The following ST6GALNAC3 variants were observed in gnomAD, a reference collection of about 807,000 sequenced individuals.
The protein encoded by ST6GALNAC3 is alpha-N-acetylgalactosaminide alpha-2,6-sialyltransferase 3.
In ST6GALNAC3, 25 loss-of-function variants were observed where a neutral mutation model predicts 32.7. The ratio of observed to expected loss-of-function variants is 0.76; its 90% CI spans 0.56 to 1.07. ST6GALNAC3 has a LOEUF of 1.07. Among genes scored for constraint, ST6GALNAC3 ranks in the 50% least tolerant of loss-of-function variants. The pLI is 0.00. For missense variants in ST6GALNAC3, 355 were observed against 382.4 expected (o/e 0.93, Z 0.60); for synonymous variants, 129 against 133.1 (o/e 0.97, Z 0.21).
At chr1:76,482,379 C>G (rs1038312994) in intron 3 of ST6GALNAC3, among the ~76,000 whole-genome samples, 20 of 152,180 alleles carry the variant, frequency 1.3e-4, no homozygotes, top group African/African-American at 4.8e-4. Flanking sequence ...GCTTCACAAA[C>G]TAGGAGTATT....
At position 76,080,414 on chromosome 1, in the gene ST6GALNAC3, T is replaced by C. The variant is rs1646877334; in HGVS notation, c.18+5530T>C. Among the ~76,000 whole-genome samples the C allele has an allele frequency of 5.9e-5, 9 of 152,230 alleles. 1 individual carries two copies. In the South Asian group the frequency reaches 1.9e-3, roughly 32 times the overall value. ...TGTATAGCAGGCAGATTAGAGCTTG[T>C]TGATTAGTTTGCTCCTTAAATTTTT... is the stretch of plus-strand genomic sequence containing the variant. On this transcript the variant is annotated intron_variant, in intron 1 of 4. Coordinates refer to ENST00000328299, the MANE Select transcript of ST6GALNAC3 (RefSeq NM_152996.4).
At chr1:76,523,810 GC>G (rs766976439) in intron 3 of ST6GALNAC3, among the ~76,000 whole-genome samples, 28 of 152,052 alleles carry the variant, frequency 1.8e-4, no homozygotes, top group Non-Finnish European at 3.7e-4. Context: ...TGTGTCTTGA[GC>G]CTCTTCAATT....
intron 1 of ST6GALNAC3, among the ~76,000 whole-genome samples, chr1:76,263,128 TA>T (rs1658337350): frequency 6.6e-6 from 1 of 152,124 alleles, no homozygotes; most frequent in Admixed American, 6.5e-5. Context: ...TCATGAAAAT[TA>T]AATTGAAAAA....
chr1:76,276,568 G>A (rs1357112876), intron 1 of ST6GALNAC3, among the ~76,000 whole-genome samples: 1 of 152,048 alleles, frequency 6.6e-6, no homozygotes, highest in African/African-American at 2.4e-5. Context: ...TCTATGTGTT[G>A]TTGATAAACT....
chr1:76,365,454 C>T lies in ST6GALNAC3; in HGVS notation c.214-46554C>T, dbSNP rs534972034. Among the ~76,000 whole-genome samples the T allele has an allele frequency of 3.3e-5, 5 of 152,254 alleles. No homozygotes were observed. In the East Asian group the frequency reaches 5.8e-4, roughly 18 times the overall value. Reference sequence around the variant, plus strand: ...AATATATCCATGTAACAAACCTGCACGTTTACTTCCTGAATCTAAAATAAA... The same window carrying T: ...AATATATCCATGTAACAAACCTGCATGTTTACTTCCTGAATCTAAAATAAA... On this transcript the variant is annotated intron_variant, in intron 2 of 4. Coordinates refer to ENST00000328299, the MANE Select transcript of ST6GALNAC3 (RefSeq NM_152996.4).
intron 3 of ST6GALNAC3, among the ~76,000 whole-genome samples, chr1:76,534,242 C>A (rs538568720): frequency 7.9e-5 from 12 of 152,016 alleles, no homozygotes; most frequent in Non-Finnish European, 1.2e-4. Context: ...AGGGTTTTAC[C>A]ATGTTGGCCA....
intron 1 of ST6GALNAC3, among the ~76,000 whole-genome samples, chr1:76,110,365 G>A (rs1345590399): frequency 2.0e-5 from 3 of 152,234 alleles, no homozygotes; most frequent in African/African-American, 7.2e-5. Context: ...TAAAAAGGAA[G>A]TAGAAGCCAT....
intron 1 of ST6GALNAC3, among the ~76,000 whole-genome samples, chr1:76,200,119 T>A (rs1654436014): frequency 6.6e-6 from 1 of 152,220 alleles, no homozygotes; most frequent in African/African-American, 2.4e-5. Flanking sequence ...AAAACTTTTT[T>A]GTATAATAAA....
At chr1:76,410,575 G>A (rs959343690) in intron 2 of ST6GALNAC3, among the ~76,000 whole-genome samples, 2 of 152,008 alleles carry the variant, frequency 1.3e-5, no homozygotes, top group Non-Finnish European at 2.9e-5. Flanking sequence ...CACCCAACTT[G>A]AATATAAGCT....
intron 1 of ST6GALNAC3, among the ~76,000 whole-genome samples, chr1:76,133,479 G>A (rs755544111): frequency 1.3e-5 from 2 of 152,160 alleles, no homozygotes; most frequent in African/African-American, 2.4e-5. Context: ...TCCACCCCCT[G>A]TCTCTCCACC....
chr1:76,156,832 C>T (rs989209353), intron 1 of ST6GALNAC3, among the ~76,000 whole-genome samples: 7 of 152,128 alleles, frequency 4.6e-5, no homozygotes, highest in African/African-American at 9.7e-5. Flanking sequence ...CCCGGGTTCA[C>T]GCCATTCTCC....
At chr1:76,432,754 G>A (rs1477715474) in intron 3 of ST6GALNAC3, among the ~76,000 whole-genome samples, 5 of 152,022 alleles carry the variant, frequency 3.3e-5, no homozygotes, top group African/African-American at 7.2e-5. Flanking sequence ...ACCATGCCCA[G>A]CCTACTTTTG....
chr1:76,500,935 C>G (rs1028009583), intron 3 of ST6GALNAC3, among the ~76,000 whole-genome samples: 2 of 152,080 alleles, frequency 1.3e-5, no homozygotes, highest in African/African-American at 4.8e-5. Flanking sequence ...AAGGCTACAC[C>G]AGTAAATGTT....
chr1:76,626,306 T>G lies in ST6GALNAC3; in HGVS notation c.624-1146T>G, dbSNP rs58041634. On this transcript the variant is annotated intron_variant, in intron 3 of 4. Transcript: ENST00000328299. Reference sequence around the variant, plus strand: ...GAAGTCTATATGGAAGATAGACCATTTAATCTTTTTCAGAGGTGTTGCTAC... The same window carrying G: ...GAAGTCTATATGGAAGATAGACCATGTAATCTTTTTCAGAGGTGTTGCTAC... Among the ~76,000 whole-genome samples, 220 of 151,970 alleles carry G rather than the reference T, an allele frequency of 1.4e-3. 9 individuals carry two copies. In the East Asian group the frequency reaches 0.041, roughly 28 times the overall value.
intron 3 of ST6GALNAC3, among the ~76,000 whole-genome samples, chr1:76,425,315 T>A (rs533086302): frequency 2.0e-5 from 3 of 152,092 alleles, no homozygotes; most frequent in South Asian, 4.1e-4. Flanking sequence ...ATTAGGAGCG[T>A]AACTAGCAGC....
chr1:76,214,886 G>A (rs944411761), intron 1 of ST6GALNAC3, among the ~76,000 whole-genome samples: 4 of 152,142 alleles, frequency 2.6e-5, no homozygotes, highest in African/African-American at 9.7e-5. Flanking sequence ...ATTAGATAGG[G>A]ACCTACCTTC....
At chr1:76,257,284 A>G (rs1180975203) in intron 1 of ST6GALNAC3, among the ~76,000 whole-genome samples, 2 of 152,184 alleles carry the variant, frequency 1.3e-5, no homozygotes, top group African/African-American at 4.8e-5. Flanking sequence ...TTCATTTTAT[A>G]GGAATTACAT....
intron 1 of ST6GALNAC3, among the ~76,000 whole-genome samples, chr1:76,192,476 G>A: frequency 6.6e-6 from 1 of 152,044 alleles, no homozygotes; most frequent in African/African-American, 2.4e-5. Context: ...GAAGGAGAAG[G>A]TAAAGAGAGG....
chr1:76,379,627 C>A (rs974907868), intron 2 of ST6GALNAC3, among the ~76,000 whole-genome samples: 1 of 152,116 alleles, frequency 6.6e-6, no homozygotes, highest in African/African-American at 2.4e-5. Flanking sequence ...TGGGAGGCAG[C>A]TCTTTCTCTT....
Sources: gnomAD v4.1 joint callset for allele counts (sites outside exome capture counted in the v4.1 genomes callset) on GRCh38, gnomAD v4.1.1 for gene constraint, MANE v1.5 for transcripts, NCBI Gene and HGNC (gene_info 2026-07-23, HGNC 2026-07-21) for gene names.